The following HS3ST3A1 variants were observed in gnomAD, a reference collection of about 807,000 sequenced individuals.
The protein encoded by HS3ST3A1 is heparan sulfate-glucosamine 3-sulfotransferase 3A1.
A neutral mutation model predicts 25.7 loss-of-function variants in HS3ST3A1; 19 were observed. The observed-to-expected ratio is 0.74, with a 90% CI of 0.52 to 1.08. HS3ST3A1 has a LOEUF of 1.08. Among genes scored for constraint, HS3ST3A1 ranks in the 50% least tolerant of loss-of-function variants. The pLI, the probability that HS3ST3A1 is intolerant of heterozygous loss-of-function variation, is 0.00. For synonymous variants in HS3ST3A1, 226 were observed against 278.6 expected (o/e 0.81, Z 1.88); for missense variants, 459 against 594.3 (o/e 0.77, Z 2.37).
intron 1 of HS3ST3A1, among the ~76,000 whole-genome samples, chr17:13,510,579 C>T (rs905243237): frequency 2.6e-5 from 4 of 152,134 alleles, no homozygotes; most frequent in African/African-American, 9.7e-5. Flanking sequence ...ATCAATATGT[C>T]TTTTAAGTTT....
At chr17:13,501,142 G>C (rs1905460602) in intron 1 of HS3ST3A1, among the ~76,000 whole-genome samples, 1 of 152,226 alleles carries the variant, frequency 6.6e-6, no homozygotes, top group African/African-American at 2.4e-5. Context: ...CAGTAGGTAT[G>C]AAGTTTGAGT....
chr17:13,537,536 C>G (rs1906806433), intron 1 of HS3ST3A1, among the ~76,000 whole-genome samples: 1 of 152,176 alleles, frequency 6.6e-6, no homozygotes, highest in South Asian at 2.1e-4. Flanking sequence ...CTGCTCCCTT[C>G]TATTCTGTCC....
intron 1 of HS3ST3A1, among the ~76,000 whole-genome samples, chr17:13,568,668 T>C (rs951605259): frequency 3.3e-5 from 5 of 152,232 alleles, no homozygotes; most frequent in African/African-American, 1.2e-4. Flanking sequence ...CTACTGCCTC[T>C]TCCACACGGT....
chr17:13,524,341 T>C (rs1177358385), intron 1 of HS3ST3A1, among the ~76,000 whole-genome samples: 1 of 152,110 alleles, frequency 6.6e-6, no homozygotes, highest in Non-Finnish European at 1.5e-5. Context: ...CACTGCAGCC[T>C]CAAGCTCCAG....
intron 1 of HS3ST3A1, among the ~76,000 whole-genome samples, chr17:13,534,051 C>T (rs1160757424): frequency 1.3e-5 from 2 of 152,144 alleles, no homozygotes; most frequent in Admixed American, 6.5e-5. Flanking sequence ...TGTTATGAAA[C>T]CATAACCTGC....
chr17:13,601,400 C>G lies in HS3ST3A1; in HGVS notation c.-271G>C. 5.0e-6 allele frequency: 2 copies of G among 397,934 alleles called. No individual in the cohort carries two copies. Among genetic ancestry groups the G allele is most frequent in the East Asian group, 8.5e-5 (2 of 23,646 alleles). The allele number at this position is 397,934 out of a possible 1,614,324, so 24.7% of individuals were successfully genotyped here. A position where few individuals can be genotyped will look rare whatever the true frequency, so the allele number is the denominator to read the frequency against. ...TTAAGAAACCATCGTCTTAGACTCG[C>G]CCAAGTCCTGAGCTTGGGGCAGCCT... is the stretch of plus-strand genomic sequence containing the variant. On this transcript the variant is annotated 5_prime_UTR_variant, in exon 1 of 2. Transcript: ENST00000284110.
rs138004986 is a variant in HS3ST3A1, at chr17:13,574,823, T to C, written c.599+25708A>G. 2.5e-4 allele frequency among the ~76,000 whole-genome samples: 38 copies of C among 152,124 alleles called. 1 individual carries two copies. In the East Asian group the frequency reaches 6.8e-3, roughly 27 times the overall value. On this transcript the variant is annotated intron_variant, in intron 1 of 1. Transcript: ENST00000284110. ...TCACCCTGCTCAAAAATGTTCCCCA[T>C]GTCAATAGATGGTAATTGTAAAACA... is the stretch of plus-strand genomic sequence containing the variant.
chr17:13,596,197 A>G (rs889641876), intron 1 of HS3ST3A1, among the ~76,000 whole-genome samples: 2 of 152,170 alleles, frequency 1.3e-5, no homozygotes, highest in Admixed American at 6.5e-5. Context: ...AGGAATATCC[A>G]TTCACACAAG....
chr17:13,567,800 T>C (rs1295317755), intron 1 of HS3ST3A1, among the ~76,000 whole-genome samples: 1 of 152,204 alleles, frequency 6.6e-6, no homozygotes, highest in Non-Finnish European at 1.5e-5. Flanking sequence ...TTGCTTCTTA[T>C]GGATGAACGA....
chr17:13,496,797 C>T lies in HS3ST3A1; in HGVS notation c.621G>A (p.Leu207=), dbSNP rs748665460. The T allele has an allele frequency of 6.2e-7, 1 of 1,613,396 alleles. No homozygotes were observed. The change falls in exon 2 of 2, where the codon CTG becomes CTA. Residue 207 remains leucine (L), a synonymous_variant. Transcript: ENST00000284110. ...TCTTCTCCATGGTGATCTGCCCGTC[C>T]AGGGTTCTGGGCATCAGGTCCCTGA... is the stretch of plus-strand genomic sequence containing the variant. ...AWYRDLMPRT[L]DGQITMEKTP...
At chr17:13,577,316 T>C (rs1598431218) in intron 1 of HS3ST3A1, among the ~76,000 whole-genome samples, 1 of 152,210 alleles carries the variant, frequency 6.6e-6, no homozygotes, top group South Asian at 2.1e-4. Context: ...TGAGTCTGCC[T>C]GGCCAGGACT....
chr17:13,525,135 A>G (rs1370457230), intron 1 of HS3ST3A1, among the ~76,000 whole-genome samples: 1 of 152,054 alleles, frequency 6.6e-6, no homozygotes. Flanking sequence ...ACCATCCTAC[A>G]TTTTTAAACT....
chr17:13,560,318 A>AAAAAAAAAAAAAAAC lies in HS3ST3A1; in HGVS notation c.599+40212_599+40213insGTTTTTTTTTTTTTT, dbSNP rs1598426570. ...AAAAAAAAAAAAAAAAAAAAAAAAA[A>AAAAAAAAAAAAAAAC]AGTGTATTACCTACATACTCTTCAA... On this transcript the variant is annotated intron_variant, in intron 1 of 1. Transcript: ENST00000284110. Among the ~76,000 whole-genome samples the AAAAAAAAAAAAAAAC allele has an allele frequency of 5.5e-5, 8 of 144,858 alleles. 1 individual carries two copies. In the East Asian group the frequency reaches 1.4e-3, roughly 26 times the overall value.
intron 1 of HS3ST3A1, among the ~76,000 whole-genome samples, chr17:13,585,399 C>T (rs1305620888): frequency 1.3e-5 from 2 of 151,386 alleles, no homozygotes; most frequent in Non-Finnish European, 2.9e-5. Flanking sequence ...GGGGTTTCAC[C>T]ATGTTGACCA....
In HS3ST3A1 at chr17:13,585,828, T is replaced by TG. The variant is rs397828270; in HGVS notation, c.599+14702_599+14703insC. Reference sequence around the variant, plus strand: ...GCTCGTTCCCCTTGAGACCTGTTATTCCTCCTTCTGCGTTTTTTTTTTTTT... The same window carrying TG: ...GCTCGTTCCCCTTGAGACCTGTTATTGCCTCCTTCTGCGTTTTTTTTTTTTT... On this transcript the variant is annotated intron_variant, in intron 1 of 1. Transcript: ENST00000284110. Among the ~76,000 whole-genome samples, 2 of 141,620 alleles carry TG rather than the reference T, an allele frequency of 1.4e-5. 1 individual carries two copies. 92.9% of individuals were successfully genotyped at this position (141,620 alleles called of 152,430 possible).
intron 1 of HS3ST3A1, among the ~76,000 whole-genome samples, chr17:13,575,825 G>A (rs1489440027): frequency 6.6e-6 from 1 of 152,360 alleles, no homozygotes; most frequent in East Asian, 1.9e-4. Context: ...TAGATTGGGG[G>A]AGCTAGAAAC....
intron 1 of HS3ST3A1, among the ~76,000 whole-genome samples, chr17:13,561,548 C>T (rs1907550007): frequency 6.6e-6 from 1 of 152,076 alleles, no homozygotes; most frequent in East Asian, 1.9e-4. Context: ...CACCTATTAC[C>T]ATGCCCTGCT....
Position 13,593,481 on chromosome 17 carries a change from C to A in HS3ST3A1, c.599+7050G>T, listed in dbSNP as rs192488392. 2.5e-3 allele frequency among the ~76,000 whole-genome samples: 380 copies of A among 152,180 alleles called. 1 individual carries two copies. Among genetic ancestry groups the A allele is most frequent in the African/African-American group, 8.6e-3 (359 of 41,508 alleles). On this transcript the variant is annotated intron_variant, in intron 1 of 1. Coordinates refer to ENST00000284110, the MANE Select transcript of HS3ST3A1 (RefSeq NM_006042.3). ...CGGAAACAAGAGAGTAGGAGGGAGC[C>A]GTGAGCCAATATGATTATGAAATCA...
chr17:13,575,805 AG>A (rs1478057682), intron 1 of HS3ST3A1, among the ~76,000 whole-genome samples: 4 of 152,254 alleles, frequency 2.6e-5, no homozygotes, highest in Non-Finnish European at 5.9e-5. Context: ...TGGGAAGCAG[AG>A]GCTCCAGTTA....
Sources: allele counts gnomAD v4.1 joint callset (sites outside exome capture counted in the v4.1 genomes callset), GRCh38; gene constraint gnomAD v4.1.1; transcripts MANE v1.5; gene names NCBI Gene and HGNC (gene_info 2026-07-23, HGNC 2026-07-21).